CHRNA7: variants seen among roughly 807,000 people sequenced by gnomAD.
CHRNA7 encodes neuronal acetylcholine receptor subunit alpha-7.
A neutral mutation model predicts 48.0 loss-of-function variants in CHRNA7; 17 were observed. The ratio of observed to expected loss-of-function variants is 0.35; its 90% CI spans 0.24 to 0.53. The LOEUF is 0.53. Among genes scored for constraint, CHRNA7 ranks in the 20% least tolerant of loss-of-function variants. The pLI is 0.92. For missense variants in CHRNA7, 155 were observed against 577.7 expected, an observed-to-expected ratio of 0.27 and a Z score of 7.50; for synonymous variants, 75 against 242.3, an observed-to-expected ratio of 0.31 and a Z score of 6.41.
intron 2 of CHRNA7, among the ~76,000 whole-genome samples, chr15:32,086,249 G>T (rs2050294047): frequency 6.6e-6 from 1 of 151,342 alleles, no homozygotes; most frequent in South Asian, 2.1e-4. Flanking sequence ...GGCGCCTGTA[G>T]TCCCAGCTAC....
chr15:32,052,222 C>G (rs2049700651), intron 2 of CHRNA7, among the ~76,000 whole-genome samples: 2 of 148,896 alleles, frequency 1.3e-5, no homozygotes, highest in African/African-American at 5.0e-5. Flanking sequence ...TTTCCCCAAG[C>G]TCTTCTAATT....
At chr15:32,115,356 G>A (rs2141287433) in intron 4 of CHRNA7, among the ~76,000 whole-genome samples, 1 of 152,328 alleles carries the variant, frequency 6.6e-6, no homozygotes. Context: ...AATTGGCAAT[G>A]TGGGAGGAGA....
intron 2 of CHRNA7, among the ~76,000 whole-genome samples, chr15:32,079,774 C>T (rs1327980920): frequency 2.6e-5 from 3 of 116,900 alleles, no homozygotes; most frequent in African/African-American, 7.9e-5. Context: ...ACATTCTTCA[C>T]AAAATTAGAA....
chr15:32,060,145 T>C (rs568832899), intron 2 of CHRNA7, among the ~76,000 whole-genome samples: 1 of 152,104 alleles, frequency 6.6e-6, no homozygotes, highest in Non-Finnish European at 1.5e-5. Context: ...TTAAGCCTAA[T>C]TGTCAGTTGT....
chr15:32,143,249 C>T (rs2051418747), intron 4 of CHRNA7, among the ~76,000 whole-genome samples: 1 of 152,190 alleles, frequency 6.6e-6, no homozygotes, highest in Admixed American at 6.5e-5. Context: ...GTTTCTTAAT[C>T]TTGAGTTCTA....
intron 3 of CHRNA7, among the ~76,000 whole-genome samples, chr15:32,105,572 G>A (rs1439349948): frequency 6.6e-5 from 10 of 152,166 alleles, no homozygotes; most frequent in African/African-American, 2.4e-4. Context: ...TCTCCCCAGG[G>A]ATATTACAGA....
chr15:32,075,251 CA>C (rs2050119678), intron 2 of CHRNA7, among the ~76,000 whole-genome samples: 1 of 152,114 alleles, frequency 6.6e-6, no homozygotes, highest in Non-Finnish European at 1.5e-5. Context: ...TTTCCTCTTT[CA>C]AATTGTGGAA....
intron 9 of CHRNA7, among the ~76,000 whole-genome samples, chr15:32,165,052 G>GC (rs933382358): frequency 2.0e-5 from 2 of 97,964 alleles, no homozygotes; most frequent in Non-Finnish European, 4.2e-5. Context: ...TTTTGTGAAG[G>GC]CCCCCCCTTA....
intron 2 of CHRNA7, among the ~76,000 whole-genome samples, chr15:32,067,721 T>C (rs950162916): frequency 6.6e-6 from 1 of 152,236 alleles, no homozygotes; most frequent in Non-Finnish European, 1.5e-5. Flanking sequence ...ATACAGTGTA[T>C]ATAAATGTAA....
chr15:32,051,215 T>A (rs1410036624), intron 2 of CHRNA7, among the ~76,000 whole-genome samples: 1 of 151,852 alleles, frequency 6.6e-6, no homozygotes, highest in African/African-American at 2.4e-5. Flanking sequence ...CAGAGGTTAC[T>A]GCTCTCTTTT....
At position 32,076,152 on chromosome 15, in the gene CHRNA7, G is replaced by C. The variant is rs537969123; in HGVS notation, c.196-25151G>C. Among the ~76,000 whole-genome samples the C allele has an allele frequency of 2.0e-5, 3 of 152,182 alleles. No individual in the cohort carries two copies. In the East Asian group the frequency reaches 5.8e-4, roughly 29 times the overall value. On this transcript the variant is annotated intron_variant, in intron 2 of 9. Transcript: ENST00000306901. ...GAGTATTTTCTGCTTTTGTTCATTG[G>C]GGTGTTGTGTAAATTTTAGTTATAT...
intron 2 of CHRNA7, among the ~76,000 whole-genome samples, chr15:32,046,779 C>A (rs1347885632): frequency 6.6e-6 from 1 of 152,048 alleles, no homozygotes; most frequent in East Asian, 2.0e-4. Context: ...CCTAGGTTTT[C>A]TTCTAGGGTT....
chr15:32,112,540 T>C (rs1319349362), intron 4 of CHRNA7, among the ~76,000 whole-genome samples: 1 of 152,230 alleles, frequency 6.6e-6, no homozygotes, highest in Non-Finnish European at 1.5e-5. Context: ...AGGGTAAGTT[T>C]CTAGAAGCAG....
rs906521755 is a variant in CHRNA7, at chr15:32,149,294, G to A, written c.351-4613G>A. On this transcript the variant is annotated intron_variant, in intron 4 of 9. Transcript: ENST00000306901. The surrounding 1 kb of genome is among the most constrained non-coding windows in gnomAD (Gnocchi z 4.6). The stretch of plus-strand genomic sequence containing the variant: ...GCCCTACCCCTGTTTCCACGGTTAT[G>A]GGTGTTTGCCAGCACAGGGCTGCCC... Among the ~76,000 whole-genome samples the A allele has an allele frequency of 6.6e-6, 1 of 152,240 alleles. No homozygotes were observed. The highest frequency in any genetic ancestry group is 1.5e-5 in the Non-Finnish European group (1 of 68,048).
At position 32,050,515 on chromosome 15, in the gene CHRNA7, C is replaced by G. The variant is rs1308313911; in HGVS notation, c.195+19478C>G. The stretch of plus-strand genomic sequence containing the variant: ...GCTCCATCAGCTCCTTTAAGAACTT[C>G]TCTGTATTGGTTATTCTAGTTATAC... On this transcript the variant is annotated intron_variant, in intron 2 of 9. Coordinates refer to ENST00000306901, the MANE Select transcript of CHRNA7 (RefSeq NM_000746.6). 5.3e-5 allele frequency among the ~76,000 whole-genome samples: 8 copies of G among 152,164 alleles called. No homozygotes were observed. In the East Asian group the frequency reaches 5.8e-4, roughly 11 times the overall value.
At chr15:32,124,431 C>T (rs934540744) in intron 4 of CHRNA7, among the ~76,000 whole-genome samples, 5 of 152,054 alleles carry the variant, frequency 3.3e-5, no homozygotes, top group South Asian at 2.1e-4. Context: ...AAACCAGGAT[C>T]TCAAGAAAGG....
rs67884580 is a variant in CHRNA7, at chr15:32,136,867, T to TAA, written c.351-17036_351-17035dup. Among the ~76,000 whole-genome samples, 83 of 145,550 alleles carry TAA rather than the reference T, an allele frequency of 5.7e-4. No homozygotes were observed. The East Asian group carries it at 0.017, about 29-fold the overall frequency. ...TAACACGGTGAAACCCCGTCTCTAC[T>TAA]AAAAATACAAAAAAATTAGCCGGGC... On this transcript the variant is annotated intron_variant, in intron 4 of 9. Transcript: ENST00000306901.
upstream of CHRNA7, chr15:32,030,502 C>T: frequency 7.9e-7 from 1 of 1,261,506 alleles, no homozygotes; most frequent in Non-Finnish European, 1.0e-6. Context: ...GCGCGCGAGC[C>T]GAGCGGCGAG....
At chr15:32,047,700 A>C (rs2049578918) in intron 2 of CHRNA7, among the ~76,000 whole-genome samples, 1 of 152,174 alleles carries the variant, frequency 6.6e-6, no homozygotes, top group African/African-American at 2.4e-5. Flanking sequence ...CAGAACTTCC[A>C]ACACTATGTT....
Sources: gnomAD v4.1 joint callset for allele counts (sites outside exome capture counted in the v4.1 genomes callset) on GRCh38, gnomAD v4.1.1 for gene constraint, Gnocchi (gnomAD v3.1) non-coding constraint, MANE v1.5 for transcripts, NCBI Gene and HGNC (gene_info 2026-07-23, HGNC 2026-07-21) for gene names.